SLC22A8: variants seen among roughly 807,000 people sequenced by gnomAD.
The protein encoded by SLC22A8 is solute carrier family 22 member 8.
A neutral mutation model predicts 48.4 loss-of-function variants in SLC22A8; 40 were observed. That is an observed-to-expected ratio of 0.83 (90% CI 0.64 to 1.08). SLC22A8 has a LOEUF of 1.08. Ranked by LOEUF, SLC22A8 falls within the 50% of genes least tolerant of loss-of-function variation. The pLI is 0.00. For synonymous variants in SLC22A8, 268 were observed against 286.3 expected, an observed-to-expected ratio of 0.94 and a Z score of 0.65; for missense variants, 606 against 699.0, an observed-to-expected ratio of 0.87 and a Z score of 1.50.
chr11:62,995,955 G>C, intron 6 of SLC22A8, 74 bp downstream of exon 6: 1 of 1,603,008 alleles, frequency 6.2e-7, no homozygotes, highest in East Asian at 2.2e-5. Flanking sequence ...CAGGGGAACA[G>C]AGGCAAGGGG....
At chr11:62,995,077 T>C (rs918239414) in intron 7 of SLC22A8, 1 of 415,118 alleles carries the variant, frequency 2.4e-6, no homozygotes, top group South Asian at 2.3e-5. Flanking sequence ...CTCTCCTGGT[T>C]GGGCAGCAGT....
chr11:63,002,862 C>T (rs1454656595), intron 2 of SLC22A8, among the ~76,000 whole-genome samples: 1 of 152,180 alleles, frequency 6.6e-6, no homozygotes, highest in Non-Finnish European at 1.5e-5. Flanking sequence ...CTTTAATCTT[C>T]ACAATAACCT....
intron 1 of SLC22A8, 22 bp from the exon 2 acceptor site, chr11:63,015,005 G>A: frequency 6.7e-7 from 1 of 1,491,454 alleles, no homozygotes; most frequent in African/African-American, 1.4e-5. Context: ...GCATAGGCCA[G>A]GGAGAGGTAT....
At chr11:62,997,130 A>G (rs945055648) in intron 5 of SLC22A8, among the ~76,000 whole-genome samples, 1 of 152,240 alleles carries the variant, frequency 6.6e-6, no homozygotes, top group Non-Finnish European at 1.5e-5. Context: ...TATGGCAGGA[A>G]TGGCTTACAG....
At chr11:63,005,635 T>G (rs995768351) in intron 2 of SLC22A8, among the ~76,000 whole-genome samples, 6 of 152,210 alleles carry the variant, frequency 3.9e-5, no homozygotes, top group East Asian at 1.9e-4. Flanking sequence ...CGTGTTCTTA[T>G]AAGAAGACAA....
intron 2 of SLC22A8, among the ~76,000 whole-genome samples, chr11:63,003,094 T>C (rs2086517013): frequency 6.6e-6 from 1 of 152,232 alleles, no homozygotes. Context: ...GTAAAGATAA[T>C]GCCCCATTAA....
chr11:63,014,596 A>C (rs2086653181), intron 2 of SLC22A8, 30 bp downstream of exon 2: 1 of 1,543,696 alleles, frequency 6.5e-7, no homozygotes, highest in Non-Finnish European at 8.8e-7. Context: ...TACGTGGGTA[A>C]GTGGAGGGAG....
chr11:62,998,640 C>A (rs1201616308), intron 5 of SLC22A8, among the ~76,000 whole-genome samples: 1 of 152,174 alleles, frequency 6.6e-6, no homozygotes, highest in Non-Finnish European at 1.5e-5. Context: ...AAGTCCAGGC[C>A]CCCCAGCTTT....
intron 2 of SLC22A8, among the ~76,000 whole-genome samples, chr11:63,004,993 C>T (rs904158042): frequency 2.0e-5 from 3 of 152,158 alleles, no homozygotes; most frequent in East Asian, 1.9e-4. Context: ...TATAACCACA[C>T]GCCAGTGAGC....
intron 2 of SLC22A8, among the ~76,000 whole-genome samples, chr11:63,012,831 T>A (rs1443726530): frequency 2.0e-5 from 3 of 152,168 alleles, no homozygotes; most frequent in African/African-American, 7.2e-5. Flanking sequence ...GCTCTTCGAC[T>A]TTATGTCCTC....
intron 2 of SLC22A8, 82 bp downstream of exon 2, chr11:63,014,544 C>A: frequency 7.8e-7 from 1 of 1,286,230 alleles, no homozygotes; most frequent in South Asian, 1.5e-5. Flanking sequence ...ACACCAGACC[C>A]CAGCCTCCTC....
At chr11:62,999,647 G>A (rs1453405114) in intron 4 of SLC22A8, 41 bp downstream of exon 4, 2 of 1,438,022 alleles carry the variant, frequency 1.4e-6, no homozygotes, top group South Asian at 3.2e-5. Flanking sequence ...CTTCTGGATG[G>A]TGCTCCCCAA....
chr11:63,014,589 G>A (rs201448937), intron 2 of SLC22A8, 37 bp downstream of exon 2: 327 of 1,527,414 alleles, frequency 2.1e-4, no homozygotes, highest in Non-Finnish European at 2.8e-4. Context: ...ATGGGGGTAC[G>A]TGGGTAAGTG....
In SLC22A8 at chr11:62,993,753, C is replaced by T; in HGVS notation, c.1325+17G>A. The T allele has an allele frequency of 6.2e-7, 1 of 1,601,614 alleles. No homozygotes were observed. Among genetic ancestry groups the T allele is most frequent in the Non-Finnish European group, 8.6e-7 (1 of 1,168,572 alleles). On this transcript the variant is annotated intron_variant, in intron 9 of 10. Transcript: ENST00000336232. ...CTGTGTCCTCTGGCTGGGCCTGGCCCCAGGTCCAGCACCTACCTGATGACT... is the reference window on the plus strand; with the variant it reads ...CTGTGTCCTCTGGCTGGGCCTGGCCTCAGGTCCAGCACCTACCTGATGACT...
intron 2 of SLC22A8, among the ~76,000 whole-genome samples, chr11:63,004,951 A>G (rs1259465974): frequency 2.0e-5 from 3 of 152,202 alleles, no homozygotes; most frequent in Admixed American, 6.5e-5. Flanking sequence ...GCATGTCAAT[A>G]TGGATAGTGT....
Position 63,010,155 on chromosome 11 carries a change from G to A in SLC22A8, c.333+4471C>T, listed in dbSNP as rs533639995. 1.2e-4 allele frequency among the ~76,000 whole-genome samples: 18 copies of A among 152,322 alleles called. No homozygotes were observed. In the South Asian group the frequency reaches 3.5e-3, roughly 30 times the overall value. On this transcript the variant is annotated intron_variant, in intron 2 of 10. Transcript: ENST00000336232. The stretch of plus-strand genomic sequence containing the variant: ...TGTGCCAGGCCCTGGGCTCAGTACT[G>A]TGCTTGCGTTATCCCCGTTCACCCT...
intron 2 of SLC22A8, among the ~76,000 whole-genome samples, chr11:63,004,005 A>C (rs1159045646): frequency 6.6e-6 from 1 of 152,244 alleles, no homozygotes; most frequent in Non-Finnish European, 1.5e-5. Flanking sequence ...AAGAAGTTGC[A>C]AATGGAAATT....
Position 62,993,573 on chromosome 11 carries a change from G to C in SLC22A8, c.1380C>G (p.Ser460=). 1 of 1,613,758 alleles carries C rather than the reference G, an allele frequency of 6.2e-7. No homozygotes were observed. The highest frequency in any genetic ancestry group is 8.5e-7 in the Non-Finnish European group (1 of 1,179,674). The part of the protein sequence containing the change: ...NLWTRVGSMV[S]PLVKITGEVQ... ...CCTCACCCGTGATTTTCACCAGCGG[G>C]GACACCATGCTTCCCACGCGGGTCC... The change falls in exon 10 of 11, where the codon TCC becomes TCG. Residue 460 remains serine (S), a synonymous_variant. Coordinates refer to ENST00000336232, the MANE Select transcript of SLC22A8 (RefSeq NM_004254.4).
chr11:62,998,098 T>G (rs1481349045), intron 5 of SLC22A8, among the ~76,000 whole-genome samples: 1 of 152,156 alleles, frequency 6.6e-6, no homozygotes, highest in Admixed American at 6.5e-5. Context: ...ATTACAGGCA[T>G]GCGCCACCAT....
Sources: allele counts gnomAD v4.1 joint callset (sites outside exome capture counted in the v4.1 genomes callset), GRCh38; gene constraint gnomAD v4.1.1; transcripts MANE v1.5; gene names NCBI Gene and HGNC (gene_info 2026-07-23, HGNC 2026-07-21).